Variants in NUBPL observed in about 807,000 individuals in gnomAD.
NUBPL encodes the protein NUBP iron-sulfur cluster assembly factor, mitochondrial, also known as iron-sulfur cluster transfer protein NUBPL.
A neutral mutation model predicts 45.7 loss-of-function variants in NUBPL; 31 were observed. The ratio of observed to expected loss-of-function variants is 0.68; its 90% CI spans 0.51 to 0.92. The LOEUF (loss-of-function observed/expected upper bound fraction) is 0.92, where lower values mean the gene tolerates loss of function less well. NUBPL is among the 40% of genes least tolerant of loss of function. The probability of loss-of-function intolerance (pLI) is 0.00; values close to 1 mark genes in which losing one functional copy is unlikely to be tolerated. For missense variants in NUBPL, 401 were observed against 398.7 expected (o/e 1.01, Z -0.05); for synonymous variants, 144 against 140.9 (o/e 1.02, Z -0.15).
chr14:31,824,817 C>T (rs928670530), intron 7 of NUBPL, among the ~76,000 whole-genome samples: 1 of 152,082 alleles, frequency 6.6e-6, no homozygotes, highest in African/African-American at 2.4e-5. Flanking sequence ...ACCAATTTAA[C>T]AGTTTGGGGC....
At chr14:31,726,871 A>G (rs2037937298) in intron 6 of NUBPL, among the ~76,000 whole-genome samples, 1 of 152,074 alleles carries the variant, frequency 6.6e-6, no homozygotes, top group African/African-American at 2.4e-5. Context: ...TGAGCTGATG[A>G]TGCTTTGTCT....
intron 4 of NUBPL, among the ~76,000 whole-genome samples, chr14:31,650,137 G>A (rs116618637): frequency 6.6e-6 from 1 of 152,058 alleles, no homozygotes; most frequent in Non-Finnish European, 1.5e-5. Flanking sequence ...CTTTTTCAGG[G>A]ATAATCATGT....
At chr14:31,809,465 A>G (rs976078202) in intron 7 of NUBPL, among the ~76,000 whole-genome samples, 4 of 151,694 alleles carry the variant, frequency 2.6e-5, no homozygotes, top group Non-Finnish European at 5.9e-5. Context: ...TGGTGATATC[A>G]CCTTTATCAT....
At chr14:31,604,559 C>A (rs2034532125) in intron 4 of NUBPL, among the ~76,000 whole-genome samples, 1 of 152,176 alleles carries the variant, frequency 6.6e-6, no homozygotes, top group Non-Finnish European at 1.5e-5. Context: ...GACAGCCTTG[C>A]AAGCAGTGGG....
chr14:31,778,937 G>C (rs1220053651), intron 6 of NUBPL, among the ~76,000 whole-genome samples: 1 of 152,178 alleles, frequency 6.6e-6, no homozygotes, highest in Non-Finnish European at 1.5e-5. Flanking sequence ...ACATGACCTA[G>C]TAAGTGCATG....
chr14:31,848,282 C>A (rs2138998050), intron 9 of NUBPL, among the ~76,000 whole-genome samples: 1 of 152,246 alleles, frequency 6.6e-6, no homozygotes, highest in Admixed American at 6.5e-5. Context: ...ATGGTGTCTC[C>A]CATGAAGTGG....
intron 8 of NUBPL, among the ~76,000 whole-genome samples, chr14:31,833,968 A>G (rs75535614): frequency 6.6e-6 from 1 of 152,296 alleles, no homozygotes; most frequent in East Asian, 1.9e-4. Flanking sequence ...AGTCTATACC[A>G]CATTTGACCT....
chr14:31,673,064 AT>A (rs762872701), intron 4 of NUBPL, among the ~76,000 whole-genome samples: 2 of 152,174 alleles, frequency 1.3e-5, no homozygotes, highest in African/African-American at 4.8e-5. Context: ...GTTAACAATC[AT>A]TTTTTGTATA....
intron 8 of NUBPL, among the ~76,000 whole-genome samples, chr14:31,840,570 C>T (rs1399236333): frequency 2.5e-5 from 3 of 119,658 alleles, no homozygotes; most frequent in Non-Finnish European, 5.3e-5. Context: ...CAAGACTCCA[C>T]ATCTCAAAAA....
chr14:31,716,705 G>C (rs1421719169), intron 6 of NUBPL, among the ~76,000 whole-genome samples: 3 of 152,204 alleles, frequency 2.0e-5, no homozygotes, highest in Non-Finnish European at 4.4e-5. Flanking sequence ...CTAATGGAAA[G>C]CTCTGCTTGA....
chr14:31,693,800 T>TAAAAAAA (rs60070958), intron 6 of NUBPL, among the ~76,000 whole-genome samples: 1 of 94,602 alleles, frequency 1.1e-5, no homozygotes, highest in African/African-American at 4.1e-5. Context: ...AAGACAAAAT[T>TAAAAAAA]AAAAAAAAAA....
intron 4 of NUBPL, among the ~76,000 whole-genome samples, chr14:31,659,387 G>A (rs546611526): frequency 6.6e-6 from 1 of 152,162 alleles, no homozygotes; most frequent in Non-Finnish European, 1.5e-5. Context: ...ACTCTACCTG[G>A]TTTTAGTAGG....
intron 4 of NUBPL, among the ~76,000 whole-genome samples, chr14:31,634,364 T>A (rs2035429194): frequency 6.6e-6 from 1 of 151,414 alleles, no homozygotes; most frequent in Non-Finnish European, 1.5e-5. Flanking sequence ...TTGTGATAGT[T>A]TACTGAGAAT....
At chr14:31,567,903 T>A (rs2033480130) in intron 3 of NUBPL, among the ~76,000 whole-genome samples, 1 of 152,208 alleles carries the variant, frequency 6.6e-6, no homozygotes, top group South Asian at 2.1e-4. Context: ...GCGATTTTGA[T>A]GCATGCCAAA....
At chr14:31,845,339 T>C (rs958836027) in intron 8 of NUBPL, 2 of 152,126 alleles carry the variant, frequency 1.3e-5, no homozygotes, top group African/African-American at 4.8e-5. Flanking sequence ...GCACTGTCAG[T>C]TTTCTCAACC....
At chr14:31,841,362 T>A (rs969704133) in intron 8 of NUBPL, among the ~76,000 whole-genome samples, 2 of 152,228 alleles carry the variant, frequency 1.3e-5, no homozygotes, top group Non-Finnish European at 2.9e-5. Context: ...ATTTTGTTTT[T>A]TGTTTAGTCA....
chr14:31,618,238 T>C (rs963148846), intron 4 of NUBPL, among the ~76,000 whole-genome samples: 2 of 152,126 alleles, frequency 1.3e-5, no homozygotes, highest in Non-Finnish European at 1.5e-5. Context: ...CCTGGATTCA[T>C]TGATTTTTTG....
chr14:31,778,773 C>T (rs1217735794), intron 6 of NUBPL, among the ~76,000 whole-genome samples: 1 of 152,106 alleles, frequency 6.6e-6, no homozygotes, highest in East Asian at 1.9e-4. Context: ...TTTAAAGGGA[C>T]CACTCAGCAA....
intron 4 of NUBPL, among the ~76,000 whole-genome samples, chr14:31,646,051 T>G (rs2035842585): frequency 6.6e-6 from 1 of 152,154 alleles, no homozygotes; most frequent in Admixed American, 6.5e-5. Flanking sequence ...CCTTTAGGAT[T>G]TCTTGTGTGA....
Sources: gnomAD v4.1 joint callset for allele counts (sites outside exome capture counted in the v4.1 genomes callset) on GRCh38, gnomAD v4.1.1 for gene constraint, MANE v1.5 for transcripts, NCBI Gene and HGNC (gene_info 2026-07-23, HGNC 2026-07-21) for gene names.